Variants in OPHN1 observed in about 807,000 individuals in gnomAD.
OPHN1 encodes oligophrenin 1, also known as oligophrenin-1.
A neutral mutation model predicts 60.7 loss-of-function variants in OPHN1; 11 were observed. The ratio of observed to expected loss-of-function variants is 0.18; its 90% CI spans 0.11 to 0.30. The LOEUF (loss-of-function observed/expected upper bound fraction) is 0.30. OPHN1 is among the 10% of genes least tolerant of loss of function. The pLI is 1.00. For synonymous variants in OPHN1, 226 were observed against 222.6 expected (o/e 1.02, Z -0.14); for missense variants, 449 against 611.0 (o/e 0.73, Z 2.80).
At chrX:68,061,749 G>T (rs2076893783) in intron 21 of OPHN1, among the ~76,000 whole-genome samples, 1 of 111,811 alleles carries the variant, frequency 8.9e-6, no homozygotes, top group African/African-American at 3.3e-5. Flanking sequence ...TAAATTAACT[G>T]TGATCGCATG....
intron 15 of OPHN1, among the ~76,000 whole-genome samples, chrX:68,155,354 C>T (rs1314328749): frequency 2.7e-5 from 3 of 111,598 alleles, no homozygotes; most frequent in Non-Finnish European, 5.6e-5. Context: ...ACCCAAATCT[C>T]ATCTTGAATT....
chrX:68,099,658 C>T (rs977404486), intron 18 of OPHN1, among the ~76,000 whole-genome samples: 13 of 112,060 alleles, frequency 1.2e-4, no homozygotes, highest in African/African-American at 3.6e-4. Flanking sequence ...GAAGCTTGTG[C>T]CCATTCCAAA....
chrX:68,190,246 G>A (rs1260143534), intron 15 of OPHN1, among the ~76,000 whole-genome samples: 3 of 112,038 alleles, frequency 2.7e-5, no homozygotes, highest in African/African-American at 9.7e-5. Flanking sequence ...TTTCCCAGTA[G>A]AATGTAAGCC....
At chrX:68,257,328 G>T (rs1213322765) in intron 5 of OPHN1, among the ~76,000 whole-genome samples, 1 of 112,719 alleles carries the variant, frequency 8.9e-6, no homozygotes, top group Non-Finnish European at 1.9e-5. Context: ...GCATATGGCT[G>T]AAGCCAAGTA....
At chrX:68,415,908 G>A (rs963607976) in intron 2 of OPHN1, among the ~76,000 whole-genome samples, 15 of 107,525 alleles carry the variant, frequency 1.4e-4, no homozygotes, top group African/African-American at 2.1e-4. Context: ...CCAGCGACTC[G>A]GGAGGCTGAG....
intron 5 of OPHN1, among the ~76,000 whole-genome samples, chrX:68,264,778 T>C (rs1032926406): frequency 3.6e-5 from 4 of 112,014 alleles, no homozygotes; most frequent in African/African-American, 9.7e-5. Flanking sequence ...CCTTTCCTAG[T>C]CAAAGAAAGG....
In OPHN1 at chrX:68,064,171, A is replaced by G; in HGVS notation, c.1841T>C (p.Ile614Thr). Residue 614 changes from isoleucine (I) to threonine (T), a missense_variant, in exon 21 of 25, where the codon ATC becomes ACC. Physicochemically the swap from Ile to Thr is moderately conservative, Grantham distance 89 (BLOSUM62 -1). Around this residue, in one of 4 missense-constraint regions of OPHN1, gnomAD observed 184 missense variants for 160.5 expected, o/e 1.15. Transcript: ENST00000355520. Reference protein sequence around the residue: ...TSSLDESEDEIQHQTPNGTIT... With the variant: ...TSSLDESEDETQHQTPNGTIT... ...AGTACCATTCGGTGTTTGATGTTGG[A>G]TTTCATCTAGGAAAAGTTGGTGCCA... 2.5e-6 allele frequency: 3 copies of G among 1,210,631 alleles called. No homozygotes were observed. The highest frequency in any genetic ancestry group is 3.4e-6 in the Non-Finnish European group (3 of 894,957).
intron 2 of OPHN1, among the ~76,000 whole-genome samples, chrX:68,357,533 G>C (rs1227310160): frequency 9.1e-6 from 1 of 109,910 alleles, no homozygotes; most frequent in Non-Finnish European, 1.9e-5. Context: ...ATAGTTTGCT[G>C]AGAATGATGG....
chrX:68,086,498 T>C (rs767857937), intron 19 of OPHN1, among the ~76,000 whole-genome samples: 37 of 112,364 alleles, frequency 3.3e-4, no homozygotes, highest in Non-Finnish European at 6.0e-4. Flanking sequence ...AAGTGTTTTA[T>C]GTATATTAAC....
intron 18 of OPHN1, among the ~76,000 whole-genome samples, chrX:68,105,800 G>GTAT (rs1279628383): frequency 2.7e-5 from 3 of 109,411 alleles, no homozygotes; most frequent in Non-Finnish European, 1.9e-5. Flanking sequence ...AGAACTTAAA[G>GTAT]TATAATAATA....
intron 2 of OPHN1, among the ~76,000 whole-genome samples, chrX:68,316,214 A>G (rs2078198611): frequency 9.0e-6 from 1 of 111,163 alleles, no homozygotes; most frequent in Non-Finnish European, 1.9e-5. Flanking sequence ...GAAGAGACAA[A>G]TCCACAATTA....
chrX:68,310,592 G>A (rs1416447352), intron 2 of OPHN1, among the ~76,000 whole-genome samples: 2 of 110,158 alleles, frequency 1.8e-5, no homozygotes, highest in Non-Finnish European at 3.8e-5. Context: ...AAATAAGTGG[G>A]TTCTCTTCTG....
At position 68,097,002 on chromosome X, in the gene OPHN1, A is replaced by G. The variant is rs185424105; in HGVS notation, c.1554T>C (p.Leu518=). ...TTACTCCCATGTTGGAGGGGGTCAT[A>G]AGATTCTCTTTGCTGTGCTCACACA... ...VNVCEHSKEN[L]MTPSNMGVIF... The change falls in exon 19 of 25, where the codon CTT becomes CTC. Residue 518 remains leucine (L), a synonymous_variant. Transcript: ENST00000355520. 1 of 1,207,966 alleles carries G rather than the reference A, an allele frequency of 8.3e-7. No homozygotes were observed. The highest frequency in any genetic ancestry group is 2.2e-5 in the Admixed American group (1 of 45,600).
At chrX:68,371,286 C>T (rs142870857) in intron 2 of OPHN1, among the ~76,000 whole-genome samples, 1,836 of 107,925 alleles carry the variant, frequency 0.017, 22 homozygotes, top group Middle Eastern at 0.028. Flanking sequence ...GGCGTTATGA[C>T]GGCTCACTGA....
chrX:68,380,309 T>C (rs1453956745), intron 2 of OPHN1, among the ~76,000 whole-genome samples: 1 of 111,297 alleles, frequency 9.0e-6, no homozygotes, highest in Non-Finnish European at 1.9e-5. Flanking sequence ...ATCTATTTGA[T>C]TCTTCTCTCT....
intron 10 of OPHN1, among the ~76,000 whole-genome samples, chrX:68,204,044 T>A (rs985157147): frequency 8.9e-6 from 1 of 112,745 alleles, no homozygotes; most frequent in Non-Finnish European, 1.9e-5. Context: ...TCAATGAATG[T>A]TTATGAACTA....
At chrX:68,188,976 T>G (rs868559633) in intron 15 of OPHN1, among the ~76,000 whole-genome samples, 1 of 112,361 alleles carries the variant, frequency 8.9e-6, no homozygotes, top group Non-Finnish European at 1.9e-5. Context: ...AATAAGAAAT[T>G]TAAATATCTA....
chrX:68,169,688 C>T (rs756100915), intron 15 of OPHN1, among the ~76,000 whole-genome samples: 3 of 109,816 alleles, frequency 2.7e-5, no homozygotes, highest in African/African-American at 1.0e-4. Flanking sequence ...GGAAAGGATT[C>T]CCCGTTTAAT....
chrX:68,369,237 A>C (rs2147727795), intron 2 of OPHN1, among the ~76,000 whole-genome samples: 1 of 110,767 alleles, frequency 9.0e-6, no homozygotes, highest in East Asian at 2.8e-4. Context: ...TCTTAGTCCT[A>C]GCTACTCAGG....
Sources: allele counts gnomAD v4.1 joint callset (sites outside exome capture counted in the v4.1 genomes callset), GRCh38; gene constraint gnomAD v4.1.1; regional missense constraint gnomAD v4.1.1; transcripts MANE v1.5; gene names NCBI Gene and HGNC (gene_info 2026-07-23, HGNC 2026-07-21).